SYT17: variants seen among roughly 807,000 people sequenced by gnomAD.
SYT17 encodes synaptotagmin-17.
Under a neutral mutation model 46.7 loss-of-function variants are expected in SYT17, and 22 were observed. The ratio of observed to expected loss-of-function variants is 0.47; its 90% CI spans 0.34 to 0.67. The LOEUF is 0.67. Ranked by LOEUF, SYT17 falls within the 30% of genes least tolerant of loss-of-function variation. The probability of loss-of-function intolerance (pLI) is 0.01; values close to 1 mark genes in which losing one functional copy is unlikely to be tolerated. For synonymous variants in SYT17, 251 were observed against 248.4 expected (o/e 1.01, Z -0.10); for missense variants, 519 against 612.8 (o/e 0.85, Z 1.62).
At chr16:19,180,131 A>G in intron 3 of SYT17, 1 of 428,518 alleles carries the variant, frequency 2.3e-6, no homozygotes, top group South Asian at 2.8e-5. Context: ...CTCTCCACCC[A>G]ACCCCAGCTT....
intron 5 of SYT17, among the ~76,000 whole-genome samples, chr16:19,210,783 A>G (rs1965869940): frequency 6.6e-6 from 1 of 152,168 alleles, no homozygotes; most frequent in Admixed American, 6.5e-5. Flanking sequence ...GCAAAGGCAT[A>G]AGGGGGCGCA....
intron 5 of SYT17, among the ~76,000 whole-genome samples, chr16:19,195,329 C>T (rs1314645130): frequency 1.3e-5 from 2 of 152,198 alleles, no homozygotes; most frequent in East Asian, 1.9e-4. Flanking sequence ...CAGCCAGTCT[C>T]CTCCATGGCA....
chr16:19,171,312 TGA>T (rs377275639), intron 1 of SYT17: 47,834 of 163,156 alleles, frequency 0.29, 8,237 homozygotes, highest in African/African-American at 0.44. Context: ...ATGATGATGA[TGA>T]TGATGATGAT....
intron 5 of SYT17, among the ~76,000 whole-genome samples, chr16:19,214,478 G>A (rs551940267): frequency 1.3e-5 from 2 of 152,218 alleles, no homozygotes; most frequent in Admixed American, 1.3e-4. Context: ...TGGATTATAG[G>A]CATGAGCCAC....
At chr16:19,260,991 A>C (rs1380881918) in intron 7 of SYT17, among the ~76,000 whole-genome samples, 1 of 151,830 alleles carries the variant, frequency 6.6e-6, no homozygotes, top group African/African-American at 2.4e-5. Flanking sequence ...CCCTTTCTGG[A>C]TTCCACATGT....
At chr16:19,174,458 G>C (rs1447341806) in intron 3 of SYT17, among the ~76,000 whole-genome samples, 1 of 152,234 alleles carries the variant, frequency 6.6e-6, no homozygotes, top group Non-Finnish European at 1.5e-5. Flanking sequence ...GCCTGGCAGA[G>C]TGGAAGGAGG....
At chr16:19,252,482 CATATATATATACATATATATATACAT>C (rs1567234861) in intron 7 of SYT17, among the ~76,000 whole-genome samples, 1 of 4,842 alleles carries the variant, frequency 2.1e-4, no homozygotes, top group Non-Finnish European at 2.9e-4. Flanking sequence ...TATATATATA[CATATATATATACATATATATATACAT>C]ATATATATAC....
Position 19,224,804 on chromosome 16 carries a change from A to G in SYT17, c.1194A>G (p.Gln398=). 1 of 1,614,128 alleles carries G rather than the reference A, an allele frequency of 6.2e-7. No homozygotes were observed. The highest frequency in any genetic ancestry group is 1.1e-5 in the South Asian group (1 of 91,078). ...AATCCTTCAGCTTCAAAGTTCCCCA[A>G]GAAGAACTGGAAAATGCCAGCCTAG... ...YNESFSFKVP[Q]EELENASLVF... Residue 398 remains glutamine (Q), a synonymous_variant, in exon 7 of 8, where the codon CAA becomes CAG. Transcript: ENST00000355377.
intron 5 of SYT17, among the ~76,000 whole-genome samples, chr16:19,202,681 T>C (rs918588892): frequency 1.3e-5 from 2 of 152,200 alleles, no homozygotes; most frequent in Non-Finnish European, 2.9e-5. Flanking sequence ...AGTCATCTCA[T>C]TAACATACAA....
intron 7 of SYT17, among the ~76,000 whole-genome samples, chr16:19,234,805 T>C (rs1966824933): frequency 6.6e-6 from 1 of 152,206 alleles, no homozygotes; most frequent in Non-Finnish European, 1.5e-5. Context: ...ATATCTGCTG[T>C]TTTAATCATT....
Position 19,267,107 on chromosome 16 carries a change from T to TAA in SYT17, c.*46_*47dup, listed in dbSNP as rs11379176. 153,407 of 1,275,044 alleles carry TAA rather than the reference T, an allele frequency of 0.12. 901 individuals carry two copies. Among genetic ancestry groups the TAA allele is most frequent in the East Asian group, 0.31 (10,993 of 35,906 alleles). 79.0% of individuals were successfully genotyped at this position (1,275,044 alleles called of 1,614,324 possible). ...GCAGGGAAGGCAGCTTTCATTTGTT[T>TAA]AAAAAAAAAAAAAAAAGACGGAAAA... On this transcript the variant is annotated 3_prime_UTR_variant, in exon 8 of 8. Transcript: ENST00000355377.
chr16:19,190,308 T>G (rs1194804069), intron 5 of SYT17, among the ~76,000 whole-genome samples: 1 of 152,164 alleles, frequency 6.6e-6, no homozygotes, highest in Non-Finnish European at 1.5e-5. Context: ...GAGGTGGAGA[T>G]AGCAGTGAGC....
chr16:19,259,453 A>G (rs891708437), intron 7 of SYT17, among the ~76,000 whole-genome samples: 1 of 152,196 alleles, frequency 6.6e-6, no homozygotes, highest in Non-Finnish European at 1.5e-5. Context: ...GAAGGAGGAA[A>G]ATGTTATTTG....
chr16:19,176,618 G>C (rs1386557258), intron 3 of SYT17, among the ~76,000 whole-genome samples: 3 of 152,234 alleles, frequency 2.0e-5, no homozygotes, highest in East Asian at 3.9e-4. Flanking sequence ...GTAGTTTGCA[G>C]ACCCCTGTAA....
intron 5 of SYT17, among the ~76,000 whole-genome samples, chr16:19,214,944 C>T (rs1166693706): frequency 1.3e-5 from 2 of 152,106 alleles, no homozygotes; most frequent in East Asian, 3.9e-4. Context: ...GCCCACCCCA[C>T]ACACAGCTAC....
intron 7 of SYT17, among the ~76,000 whole-genome samples, chr16:19,233,125 G>A (rs1229306546): frequency 6.6e-6 from 1 of 152,336 alleles, no homozygotes; most frequent in East Asian, 1.9e-4. Flanking sequence ...CCTGCTGTCT[G>A]TCTGGAGGCC....
chr16:19,183,937 C>T lies in SYT17; in HGVS notation c.741C>T (p.Val247=). 1 of 1,614,224 alleles carries T rather than the reference C, an allele frequency of 6.2e-7. No homozygotes were observed. Among genetic ancestry groups the T allele is most frequent in the Non-Finnish European group, 8.5e-7 (1 of 1,180,050 alleles). Reference sequence around the variant, plus strand: ...AGAAGAACTCAAAGCAGACCGGGGTCAAACGCAAGACCCAGAAGCCCGTGT... The same window carrying T: ...AGAAGAACTCAAAGCAGACCGGGGTTAAACGCAAGACCCAGAAGCCCGTGT... ...PDQKNSKQTG[V]KRKTQKPVFE... Residue 247 remains valine, a synonymous_variant, in exon 5 of 8, where the codon GTC becomes GTT. Transcript: ENST00000355377. This position sits in a 1 kb window ranked among gnomAD's most constrained non-coding sequence, Gnocchi z 5.6.
At chr16:19,264,982 T>C (rs1969264718) in intron 7 of SYT17, among the ~76,000 whole-genome samples, 1 of 152,102 alleles carries the variant, frequency 6.6e-6, no homozygotes, top group South Asian at 2.1e-4. Context: ...TCTTGAGCTT[T>C]GGAGAGGAAG....
rs1422986143 is a variant in SYT17, at chr16:19,224,683, A to G, written c.1073A>G (p.Asp358Gly). ...LLQTDVSQGS[D>G]PFVKIQLVHG... ...CTATGATGCTGTGTCTAATTTTCAG[A>G]CCCCTTTGTGAAAATCCAGCTGGTG... The change falls in exon 7 of 8, where the codon GAC becomes GGC. Residue 358 changes from aspartate (D) to glycine (G), a missense_variant and splice_region_variant. By Grantham distance (94) the Asp-to-Gly change is moderately conservative. Coordinates refer to ENST00000355377, the MANE Select transcript of SYT17 (RefSeq NM_016524.4). 6.2e-7 allele frequency: 1 copy of G among 1,613,804 alleles called. No individual in the cohort carries two copies. The highest frequency in any genetic ancestry group is 8.5e-7 in the Non-Finnish European group (1 of 1,179,908).
Sources: allele counts gnomAD v4.1 joint callset (sites outside exome capture counted in the v4.1 genomes callset), GRCh38; gene constraint gnomAD v4.1.1; non-coding constraint Gnocchi (gnomAD v3.1); transcripts MANE v1.5; gene names NCBI Gene and HGNC (gene_info 2026-07-23, HGNC 2026-07-21).